Variants in DPP4 observed in about 807,000 individuals in gnomAD.
The protein encoded by DPP4 is dipeptidyl peptidase 4.
Under a neutral mutation model 122.4 loss-of-function variants are expected in DPP4, and 93 were observed. The observed-to-expected ratio is 0.76, with a 90% CI of 0.64 to 0.90. The LOEUF (loss-of-function observed/expected upper bound fraction) is 0.90. DPP4 is among the 40% of genes least tolerant of loss of function. DPP4 has a pLI of 0.00. For synonymous variants in DPP4, 321 were observed against 302.9 expected, an observed-to-expected ratio of 1.06 and a Z score of -0.62; for missense variants, 914 against 907.3, an observed-to-expected ratio of 1.01 and a Z score of -0.09.
Position 162,018,755 on chromosome 2 carries a change from G to C in DPP4, c.1394C>G (p.Ala465Gly). ...GGAACATCTCAGCTGATAATACTTC[G>C]CCTCTTTACTGAATGACACAGAATA... is the stretch of plus-strand genomic sequence containing the variant. ...QYYSVSFSKEAKYYQLRCSGP... is the reference protein window; with the variant it reads ...QYYSVSFSKEGKYYQLRCSGP... The change falls in exon 16 of 26, where the codon GCG (alanine) becomes GGG (glycine). Residue 465 changes from alanine to glycine, a missense_variant. Transcript: ENST00000360534. 1 of 1,614,046 alleles carries C rather than the reference G, an allele frequency of 6.2e-7. No individual in the cohort carries two copies. The highest frequency in any genetic ancestry group is 1.1e-5 in the South Asian group (1 of 91,042).
chr2:162,068,925 C>A (rs1194611665), intron 2 of DPP4, among the ~76,000 whole-genome samples: 4 of 152,082 alleles, frequency 2.6e-5, no homozygotes, highest in Non-Finnish European at 5.9e-5. Flanking sequence ...GAACTGAGGC[C>A]TCTAGCTAAC....
At chr2:162,045,658 T>C (rs372123428) in intron 4 of DPP4, 46 bp from the exon 5 acceptor site, 1 of 1,379,092 alleles carries the variant, frequency 7.3e-7, no homozygotes, top group Non-Finnish European at 1.0e-6. Context: ...TTCCATTTCA[T>C]TGCCATCACT....
At chr2:162,023,643 C>T (rs748219985) in intron 11 of DPP4, among the ~76,000 whole-genome samples, 5 of 152,190 alleles carry the variant, frequency 3.3e-5, no homozygotes, top group Non-Finnish European at 5.9e-5. Context: ...GTCTGCCTGC[C>T]CTTAGTAGAG....
At chr2:162,005,715 A>G (rs751728228) in intron 23 of DPP4, 30 bp downstream of exon 23, 3 of 1,580,670 alleles carry the variant, frequency 1.9e-6, no homozygotes, top group South Asian at 1.1e-5. Flanking sequence ...TAAATAGGTT[A>G]TAAAATAGGT....
rs772588191 is a variant in DPP4 at position 162,011,841 on chromosome 2, T to C, written c.1784A>G (p.Asn595Ser). 5 of 1,613,642 alleles carry C rather than the reference T, an allele frequency of 3.1e-6. No individual in the cohort carries two copies. Among genetic ancestry groups the C allele is most frequent in the Middle Eastern group, 1.6e-4 (1 of 6,084 alleles). The change falls in exon 20 of 26, where the codon AAC (asparagine) becomes AGC (serine). Residue 595 changes from asparagine to serine, a missense_variant. Coordinates refer to ENST00000360534, the MANE Select transcript of DPP4 (RefSeq NM_001935.4). ...YQGDKIMHAINRRLGTFEVED... is the reference protein window; with the variant it reads ...YQGDKIMHAISRRLGTFEVED... The stretch of plus-strand genomic sequence containing the variant: ...AACTTCAAATGTTCCCAGTCTTCTG[T>C]TGATTGCATGCATGATCTTATCTCC...
At chr2:162,038,550 G>A (rs1171188602) in intron 7 of DPP4, 128 bp from the exon 8 acceptor site, 9 of 1,038,586 alleles carry the variant, frequency 8.7e-6, no homozygotes, top group South Asian at 1.6e-5. Context: ...CAAACAGGAA[G>A]AGTCATTTAC....
intron 9 of DPP4, among the ~76,000 whole-genome samples, chr2:162,034,353 G>A (rs1174442328): frequency 2.6e-5 from 4 of 152,010 alleles, no homozygotes; most frequent in Non-Finnish European, 5.9e-5. Context: ...ACATTCCACT[G>A]AAAACACATC....
chr2:162,035,671 T>C (rs1049361947), intron 8 of DPP4, among the ~76,000 whole-genome samples: 3 of 152,136 alleles, frequency 2.0e-5, no homozygotes, highest in African/African-American at 7.2e-5. Context: ...GATTCTCCTT[T>C]CTAATTTTCA....
intron 2 of DPP4, among the ~76,000 whole-genome samples, chr2:162,058,622 T>C (rs1044956318): frequency 6.6e-6 from 1 of 152,224 alleles, no homozygotes; most frequent in Admixed American, 6.5e-5. Context: ...TATTTTTAAG[T>C]GGTAAGAATA....
At chr2:162,017,591 C>G (rs937161441) in intron 16 of DPP4, 3 of 159,418 alleles carry the variant, frequency 1.9e-5, no homozygotes, top group Non-Finnish European at 2.7e-5. Context: ...GATCTCCCCC[C>G]GCTGCCCCCA....
intron 23 of DPP4, 120 bp downstream of exon 23, chr2:162,005,625 C>T: frequency 1.1e-6 from 1 of 887,094 alleles, no homozygotes; most frequent in Non-Finnish European, 1.7e-6. Flanking sequence ...TGTGTTATTT[C>T]TTTTAACAAG....
rs1685201604 is a variant in DPP4 at position 162,073,596 on chromosome 2, T to C, written c.7-110A>G. On this transcript the variant is annotated intron_variant, in intron 1 of 25. Coordinates refer to ENST00000360534, the MANE Select transcript of DPP4 (RefSeq NM_001935.4). ...GCAGGATTTGCAGGTGGGAGTGCGT[T>C]AGAAGAGGGAGACCGCGGGCTGGGG... 10 of 1,092,106 alleles carry C rather than the reference T, an allele frequency of 9.2e-6. 1 individual carries two copies. Among genetic ancestry groups the C allele is most frequent in the Non-Finnish European group, 1.4e-5 (10 of 721,044 alleles). The allele number at this position is 1,092,106 out of a possible 1,614,324, so 67.7% of individuals were successfully genotyped here.
intron 2 of DPP4, among the ~76,000 whole-genome samples, chr2:162,059,093 G>A (rs911320638): frequency 2.0e-5 from 3 of 152,164 alleles, no homozygotes; most frequent in African/African-American, 7.2e-5. Context: ...GAACATGTTG[G>A]TAAAGAAATG....
rs758988616 is a variant in DPP4, at chr2:162,020,254, T to A, written c.1219A>T (p.Ile407Leu). The A allele has an allele frequency of 4.4e-6, 7 of 1,603,928 alleles. No homozygotes were observed. The highest frequency in any genetic ancestry group is 6.0e-6 in the Non-Finnish European group (7 of 1,175,776). ...AGATAATCACTGGTTAGAGCTTCTA[T>A]CCCGATGACTTCCCAGGTGCCTTTT... ...ITKGTWEVIG[I>L]EALTSDYLYY... Residue 407 changes from isoleucine (I) to leucine (L), a missense_variant, in exon 14 of 26, where the codon ATA (isoleucine) becomes TTA (leucine). By Grantham distance (5) the Ile-to-Leu change is conservative (BLOSUM62 2). Coordinates refer to ENST00000360534, the MANE Select transcript of DPP4 (RefSeq NM_001935.4).
At chr2:162,048,158 G>T (rs1231895764) in intron 2 of DPP4, among the ~76,000 whole-genome samples, 1 of 152,068 alleles carries the variant, frequency 6.6e-6, no homozygotes, top group Non-Finnish European at 1.5e-5. Flanking sequence ...CCCAATTCAG[G>T]GAGCTTCATT....
In DPP4 at chr2:162,020,285, A is replaced by G; in HGVS notation, c.1188T>C (p.Phe396=). The change falls in exon 14 of 26, where the codon TTT becomes TTC. Residue 396 remains phenylalanine (F), a synonymous_variant. Transcript: ENST00000360534. ...TGACTTCCCAGGTGCCTTTTGTAATAAATGTGCAGTCCTGATGGTTTTTTT... is the reference window on the plus strand; with the variant it reads ...TGACTTCCCAGGTGCCTTTTGTAATGAATGTGCAGTCCTGATGGTTTTTTT... ...YFQIDKKDCT[F]ITKGTWEVIG... is the part of the protein sequence containing the mutation. 1 of 1,607,610 alleles carries G rather than the reference A, an allele frequency of 6.2e-7. No homozygotes were observed. Among genetic ancestry groups the G allele is most frequent in the Non-Finnish European group, 8.5e-7 (1 of 1,177,348 alleles).
intron 23 of DPP4, among the ~76,000 whole-genome samples, chr2:161,998,136 G>GCAAGTGA (rs1701052026): frequency 6.6e-6 from 1 of 152,122 alleles, no homozygotes; most frequent in African/African-American, 2.4e-5. Flanking sequence ...TTGTGACTAC[G>GCAAGTGA]CAAGTGACGT....
At chr2:162,018,670 G>C in intron 16 of DPP4, 59 bp downstream of exon 16, 1 of 1,578,022 alleles carries the variant, frequency 6.3e-7, no homozygotes, top group Non-Finnish European at 8.6e-7. Context: ...AATAGAGGGA[G>C]CTGCTTCGAA....
At chr2:162,000,845 T>C (rs1701128883) in intron 23 of DPP4, among the ~76,000 whole-genome samples, 1 of 152,222 alleles carries the variant, frequency 6.6e-6, no homozygotes, top group Admixed American at 6.5e-5. Flanking sequence ...CTGATACTTC[T>C]CTCTGTGTGT....
Sources: gnomAD v4.1 joint callset for allele counts (sites outside exome capture counted in the v4.1 genomes callset) on GRCh38, gnomAD v4.1.1 for gene constraint, MANE v1.5 for transcripts, NCBI Gene and HGNC (gene_info 2026-07-23, HGNC 2026-07-21) for gene names.